The following PRKG1 variants were observed in gnomAD, a reference collection of about 807,000 sequenced individuals.
The protein encoded by PRKG1 is protein kinase cGMP-dependent 1.
A neutral mutation model predicts 88.1 loss-of-function variants in PRKG1; 35 were observed. The observed-to-expected ratio is 0.40, with a 90% CI of 0.30 to 0.53. PRKG1 has a LOEUF of 0.53. Among genes scored for constraint, PRKG1 ranks in the 20% least tolerant of loss-of-function variants. PRKG1 has a pLI of 0.59. For synonymous variants in PRKG1, 303 were observed against 292.5 expected, an observed-to-expected ratio of 1.04 and a Z score of -0.37; for missense variants, 540 against 839.8, an observed-to-expected ratio of 0.64 and a Z score of 4.41.
chr10:51,506,415 G>T (rs942743026), intron 3 of PRKG1, among the ~76,000 whole-genome samples: 3 of 152,122 alleles, frequency 2.0e-5, no homozygotes, highest in African/African-American at 7.2e-5. Flanking sequence ...ATCTGACAAA[G>T]GGCTAATATC....
chr10:51,207,994 T>G (rs748554257), intron 2 of PRKG1, among the ~76,000 whole-genome samples: 1 of 152,272 alleles, frequency 6.6e-6, no homozygotes, highest in Non-Finnish European at 1.5e-5. Flanking sequence ...ATTAACTGAA[T>G]GTCTTTGATG....
At chr10:51,046,905 A>G (rs888261933) in intron 1 of PRKG1, among the ~76,000 whole-genome samples, 1 of 152,190 alleles carries the variant, frequency 6.6e-6, no homozygotes, top group Non-Finnish European at 1.5e-5. Context: ...TTCATTGAAA[A>G]TGTCAGGCTG....
chr10:52,155,538 T>C (rs1299088065), intron 8 of PRKG1, among the ~76,000 whole-genome samples: 1 of 152,004 alleles, frequency 6.6e-6, no homozygotes, highest in Non-Finnish European at 1.5e-5. Context: ...AAGTTGGTTA[T>C]AGTATAAGCA....
intron 7 of PRKG1, among the ~76,000 whole-genome samples, chr10:52,109,028 A>T (rs1174386621): frequency 6.6e-6 from 1 of 151,884 alleles, no homozygotes; most frequent in Non-Finnish European, 1.5e-5. Context: ...GGGTTTCACC[A>T]TATTGGCCAG....
At chr10:51,649,263 G>A (rs557779404) in intron 3 of PRKG1, among the ~76,000 whole-genome samples, 1 of 152,140 alleles carries the variant, frequency 6.6e-6, no homozygotes, top group South Asian at 2.1e-4. Context: ...TCCATGATGA[G>A]TCATTGCTAT....
chr10:51,019,754 A>G (rs60142011), intron 1 of PRKG1, among the ~76,000 whole-genome samples: 4,315 of 152,142 alleles, frequency 0.028, 80 homozygotes, highest in East Asian at 0.047. Context: ...ATGAAAAGGA[A>G]TTAATATCCA....
At chr10:51,465,788 G>A (rs1839890686) in intron 2 of PRKG1, among the ~76,000 whole-genome samples, 1 of 152,152 alleles carries the variant, frequency 6.6e-6, no homozygotes, top group Non-Finnish European at 1.5e-5. Context: ...TTCTGTAGTA[G>A]ATGATGGAAT....
chr10:52,182,838 C>G (rs1384321698), intron 9 of PRKG1, among the ~76,000 whole-genome samples: 1 of 151,546 alleles, frequency 6.6e-6, no homozygotes, highest in Non-Finnish European at 1.5e-5. Context: ...GTTACTGTAG[C>G]CTTGTAGTAT....
intron 2 of PRKG1, among the ~76,000 whole-genome samples, chr10:51,216,062 G>A (rs1043447304): frequency 1.3e-5 from 2 of 152,190 alleles, no homozygotes; most frequent in Admixed American, 6.5e-5. Flanking sequence ...TCTGCTATTA[G>A]TGCTGGGCCT....
chr10:51,300,782 C>T (rs1840862511), intron 2 of PRKG1, among the ~76,000 whole-genome samples: 1 of 152,176 alleles, frequency 6.6e-6, no homozygotes, highest in African/African-American at 2.4e-5. Flanking sequence ...CTGCTCTCTC[C>T]AGAATTATAT....
intron 5 of PRKG1, among the ~76,000 whole-genome samples, chr10:51,976,388 A>C (rs1032660923): frequency 6.6e-6 from 1 of 151,904 alleles, no homozygotes; most frequent in African/African-American, 2.4e-5. Flanking sequence ...ACAAAATGTG[A>C]TATATCTACA....
At chr10:51,173,559 C>A (rs1307456118) in intron 2 of PRKG1, among the ~76,000 whole-genome samples, 9 of 151,744 alleles carry the variant, frequency 5.9e-5, no homozygotes, top group South Asian at 2.1e-4. Flanking sequence ...ATTTATTGAG[C>A]TAATCTTCAT....
At chr10:51,539,175 A>C (rs1025333567) in intron 3 of PRKG1, among the ~76,000 whole-genome samples, 3 of 152,116 alleles carry the variant, frequency 2.0e-5, no homozygotes, top group African/African-American at 7.2e-5. Context: ...ATGTTCTTTA[A>C]CATAAACAGT....
At chr10:52,056,097 A>T (rs1846104705) in intron 6 of PRKG1, among the ~76,000 whole-genome samples, 1 of 152,188 alleles carries the variant, frequency 6.6e-6, no homozygotes, top group African/African-American at 2.4e-5. Context: ...TTCTTAAAAG[A>T]TATCATGAAA....
In PRKG1 at chr10:51,341,481, T is replaced by C. The variant is rs572659827; in HGVS notation, c.479-126242T>C. Among the ~76,000 whole-genome samples, 13 of 152,302 alleles carry C rather than the reference T, an allele frequency of 8.5e-5. No individual in the cohort carries two copies. The South Asian group carries it at 2.7e-3, about 32-fold the overall frequency. ...ACAGTGCTCTGCTTACGTTTGATACTTTAAGGATCCCTAACTTCTCTTGTC... is the reference window on the plus strand; with the variant it reads ...ACAGTGCTCTGCTTACGTTTGATACCTTAAGGATCCCTAACTTCTCTTGTC... On this transcript the variant is annotated intron_variant, in intron 2 of 17. Coordinates refer to ENST00000373980, the MANE Select transcript of PRKG1 (RefSeq NM_006258.4).
At chr10:51,171,498 A>G (rs1329490880) in intron 2 of PRKG1, among the ~76,000 whole-genome samples, 2 of 152,050 alleles carry the variant, frequency 1.3e-5, no homozygotes, top group African/African-American at 4.8e-5. Context: ...TCTTTTCTAC[A>G]TGGTTGAAGC....
At chr10:51,039,641 T>C (rs1843395010) in intron 1 of PRKG1, among the ~76,000 whole-genome samples, 1 of 152,154 alleles carries the variant, frequency 6.6e-6, no homozygotes, top group African/African-American at 2.4e-5. Flanking sequence ...CTGCCTGTGC[T>C]TTGGGGGTAC....
chr10:51,559,106 C>T (rs912497599), intron 3 of PRKG1, among the ~76,000 whole-genome samples: 4 of 151,984 alleles, frequency 2.6e-5, no homozygotes, highest in Admixed American at 1.3e-4. Context: ...TAAACTATCA[C>T]AGATATACAT....
intron 5 of PRKG1, among the ~76,000 whole-genome samples, chr10:51,945,140 T>C (rs1010926191): frequency 6.6e-6 from 1 of 150,444 alleles, no homozygotes; most frequent in Non-Finnish European, 1.5e-5. Context: ...TGGGTGCTCC[T>C]GTATTGGGTG....
Sources: allele counts gnomAD v4.1 joint callset (sites outside exome capture counted in the v4.1 genomes callset), GRCh38; gene constraint gnomAD v4.1.1; transcripts MANE v1.5; gene names NCBI Gene and HGNC (gene_info 2026-07-23, HGNC 2026-07-21).